GRIP1: variants seen among roughly 807,000 people sequenced by gnomAD.
The protein encoded by GRIP1 is glutamate receptor-interacting protein 1.
A neutral mutation model predicts 129.9 loss-of-function variants in GRIP1; 45 were observed. The ratio of observed to expected loss-of-function variants is 0.35; its 90% CI spans 0.27 to 0.44. The LOEUF is 0.44. GRIP1 is among the 20% of genes least tolerant of loss of function. The pLI, the probability that GRIP1 is intolerant of heterozygous loss-of-function variation, is 1.00. For missense variants in GRIP1, 1,196 were observed against 1,396.8 expected, an observed-to-expected ratio of 0.86 and a Z score of 2.29; for synonymous variants, 530 against 520.8, an observed-to-expected ratio of 1.02 and a Z score of -0.24.
At chr12:66,918,515 C>A (rs1055968323) in intron 1 of GRIP1, among the ~76,000 whole-genome samples, 3 of 152,162 alleles carry the variant, frequency 2.0e-5, no homozygotes, top group African/African-American at 7.2e-5. Flanking sequence ...CAAATGATCA[C>A]CCCAACCAAT....
At chr12:66,371,651 C>T (rs749333877) in intron 23 of GRIP1, 43 bp downstream of exon 23, 2 of 1,315,106 alleles carry the variant, frequency 1.5e-6, no homozygotes, top group Non-Finnish European at 2.2e-6. Context: ...TGCAGAATGG[C>T]TGCCAAATTT....
intron 1 of GRIP1, among the ~76,000 whole-genome samples, chr12:66,672,338 G>A (rs931479326): frequency 2.0e-5 from 3 of 152,026 alleles, no homozygotes; most frequent in South Asian, 4.1e-4. Flanking sequence ...CTAATACCCC[G>A]AGCTTTGCCT....
chr12:66,353,371 G>C (rs751455991), intron 24 of GRIP1, 46 bp downstream of exon 24: 2 of 1,408,044 alleles, frequency 1.4e-6, no homozygotes, highest in Non-Finnish European at 2.0e-6. Context: ...GAAGCTCCCA[G>C]TGAGAAATTA....
intron 1 of GRIP1, among the ~76,000 whole-genome samples, chr12:66,973,475 T>A (rs1451082322): frequency 6.6e-6 from 1 of 150,646 alleles, no homozygotes; most frequent in Non-Finnish European, 1.5e-5. Context: ...TCCTACCGCC[T>A]CCATATAGGA....
chr12:66,597,682 T>C (rs1282039989), intron 1 of GRIP1, among the ~76,000 whole-genome samples: 2 of 152,180 alleles, frequency 1.3e-5, no homozygotes, highest in Non-Finnish European at 2.9e-5. Context: ...GAGAGTTAGG[T>C]AAGAAGCTGA....
At chr12:66,833,600 T>G (rs764233994) in intron 1 of GRIP1, among the ~76,000 whole-genome samples, 6 of 152,158 alleles carry the variant, frequency 3.9e-5, no homozygotes, top group Non-Finnish European at 8.8e-5. Flanking sequence ...CTCATAACCT[T>G]CAGACTTGTA....
chr12:66,628,734 TG>T (rs1390084814), intron 1 of GRIP1, among the ~76,000 whole-genome samples: 2 of 152,278 alleles, frequency 1.3e-5, no homozygotes, highest in African/African-American at 4.8e-5. Context: ...AAGAGGTTGC[TG>T]TTGGCACCTA....
chr12:66,861,550 G>A (rs1376475084), intron 1 of GRIP1, among the ~76,000 whole-genome samples: 1 of 152,050 alleles, frequency 6.6e-6, no homozygotes, highest in Non-Finnish European at 1.5e-5. Flanking sequence ...TACGCATATT[G>A]CTGTGGGGCT....
At chr12:67,002,155 T>C (rs1157518315) in intron 1 of GRIP1, among the ~76,000 whole-genome samples, 1 of 152,218 alleles carries the variant, frequency 6.6e-6, no homozygotes, top group African/African-American at 2.4e-5. Context: ...TTGTAGGAAA[T>C]GCAGTACTTT....
At chr12:66,541,437 T>A (rs2139218199) in intron 3 of GRIP1, among the ~76,000 whole-genome samples, 1 of 152,372 alleles carries the variant, frequency 6.6e-6, no homozygotes, top group East Asian at 1.9e-4. Context: ...CTTTTCCCCA[T>A]TCACATTATA....
chr12:66,910,690 G>A (rs544136918), intron 1 of GRIP1, among the ~76,000 whole-genome samples: 1 of 152,252 alleles, frequency 6.6e-6, no homozygotes, highest in South Asian at 2.1e-4. Context: ...AACTTGAAAT[G>A]AAGAGACTGA....
intron 1 of GRIP1, among the ~76,000 whole-genome samples, chr12:67,004,256 T>C (rs2042595285): frequency 6.6e-6 from 1 of 152,172 alleles, no homozygotes; most frequent in African/African-American, 2.4e-5. Flanking sequence ...AATGTCTTAA[T>C]TGGCTGAAAA....
intron 1 of GRIP1, among the ~76,000 whole-genome samples, chr12:67,021,524 C>T (rs368441616): frequency 7.2e-5 from 11 of 152,168 alleles, no homozygotes; most frequent in African/African-American, 2.4e-4. Flanking sequence ...TTAATTGACA[C>T]ATAATTGTAC....
intron 20 of GRIP1, among the ~76,000 whole-genome samples, chr12:66,377,957 G>C (rs974783293): frequency 8.1e-6 from 1 of 123,188 alleles, no homozygotes; most frequent in Non-Finnish European, 1.8e-5. Flanking sequence ...TTCTCTAAGA[G>C]AGAAACATGT....
chr12:66,585,390 A>C (rs999390277), intron 2 of GRIP1, among the ~76,000 whole-genome samples: 1 of 136,266 alleles, frequency 7.3e-6, no homozygotes. Context: ...ACTGAGAATG[A>C]TGATTTCCAG....
At chr12:66,995,132 A>G (rs917361867) in intron 1 of GRIP1, among the ~76,000 whole-genome samples, 1 of 151,940 alleles carries the variant, frequency 6.6e-6, no homozygotes, top group Non-Finnish European at 1.5e-5. Context: ...GTACAACTGG[A>G]TATTTATATT....
intron 1 of GRIP1, among the ~76,000 whole-genome samples, chr12:66,966,238 G>A (rs935986059): frequency 5.9e-5 from 9 of 152,070 alleles, no homozygotes; most frequent in Middle Eastern, 3.4e-3. Flanking sequence ...AAAATGGTTC[G>A]GCTAATAATT....
At chr12:67,045,419 C>T (rs774380) in intron 1 of GRIP1, among the ~76,000 whole-genome samples, 51,691 of 152,046 alleles carry the variant, frequency 0.34, 10,299 homozygotes, top group Non-Finnish European at 0.46. Context: ...GTATTTATTA[C>T]TCAAGAACAT....
At chr12:67,033,476 A>G (rs1312786289) in intron 1 of GRIP1, among the ~76,000 whole-genome samples, 2 of 152,122 alleles carry the variant, frequency 1.3e-5, no homozygotes, top group Non-Finnish European at 2.9e-5. Context: ...AAACAAAGTA[A>G]TGTTCATTCA....
Sources: gnomAD v4.1 joint callset for allele counts (sites outside exome capture counted in the v4.1 genomes callset) on GRCh38, gnomAD v4.1.1 for gene constraint, MANE v1.5 for transcripts, NCBI Gene and HGNC (gene_info 2026-07-23, HGNC 2026-07-21) for gene names.